Variants in COL11A2 observed in about 807,000 individuals in gnomAD.
The protein encoded by COL11A2 is collagen type XI alpha 2 chain.
Under a neutral mutation model 273.4 loss-of-function variants are expected in COL11A2, and 116 were observed. The ratio of observed to expected loss-of-function variants is 0.42; its 90% CI spans 0.36 to 0.49. The LOEUF (loss-of-function observed/expected upper bound fraction) is 0.49. Among genes scored for constraint, COL11A2 ranks in the 20% least tolerant of loss-of-function variants. The pLI is 0.00. For synonymous variants in COL11A2, 782 were observed against 864.2 expected (o/e 0.90, Z 1.67); for missense variants, 1,866 against 2,309.0 (o/e 0.81, Z 3.93).
rs1439732527 is a variant in COL11A2 at position 33,167,438 on chromosome 6, G to T, written c.4110C>A (p.Leu1370=). 2 of 1,612,754 alleles carry T rather than the reference G, an allele frequency of 1.2e-6. No individual in the cohort carries two copies. Among genetic ancestry groups the T allele is most frequent in the South Asian group, 2.2e-5 (2 of 91,092 alleles). The change falls in exon 56 of 66, where the codon CTC becomes CTA. Residue 1370 remains leucine, a synonymous_variant. Transcript: ENST00000341947. This position sits in a 1 kb window ranked among gnomAD's most constrained non-coding sequence, Gnocchi z 6.1. ...TGCAGTGACTCACCACTGAGCCTGG[G>T]AGCCCCCTCAGACCATCAGGGCCAG... ...GKPGPDGLRG[L]PGSVGQQGRP... is the part of the protein sequence containing the mutation.
In COL11A2 at chr6:33,170,272, G is replaced by A; in HGVS notation, c.3582+54C>T. ...ACTAGAGTTTATGGTCTGGGAAAGGGAGGCAGAAGACCAGACACATTGGTC... is the reference window on the plus strand; with the variant it reads ...ACTAGAGTTTATGGTCTGGGAAAGGAAGGCAGAAGACCAGACACATTGGTC... On this transcript the variant is annotated intron_variant, in intron 48 of 65. Coordinates refer to ENST00000341947, the MANE Select transcript of COL11A2 (RefSeq NM_080680.3). The surrounding 1 kb of genome is among the most constrained non-coding windows in gnomAD (Gnocchi z 4.3). The A allele has an allele frequency of 6.3e-7, 1 of 1,598,452 alleles. No homozygotes were observed. Among genetic ancestry groups the A allele is most frequent in the Non-Finnish European group, 8.6e-7 (1 of 1,168,630 alleles).
chr6:33,177,963 CA>C lies in COL11A2; in HGVS notation c.1872+168del. On this transcript the variant is annotated intron_variant, in intron 21 of 65. Coordinates refer to ENST00000341947, the MANE Select transcript of COL11A2 (RefSeq NM_080680.3). This position sits in a 1 kb window ranked among gnomAD's most constrained non-coding sequence, Gnocchi z 5.9. The stretch of plus-strand genomic sequence containing the variant: ...ACCACGCCACATGGCCCTCCCTGTG[CA>C]CGGGGAGCGAATGCTGAGGCAGGGC... The C allele has an allele frequency of 1.2e-6, 1 of 821,532 alleles. No homozygotes were observed. The highest frequency in any genetic ancestry group is 1.7e-5 in the African/African-American group (1 of 58,720). The allele number at this position is 821,532 out of a possible 1,614,324, so 50.9% of individuals were successfully genotyped here. A position where few individuals can be genotyped will look rare whatever the true frequency, so the allele number is the denominator to read the frequency against.
intron 31 of COL11A2, 148 bp downstream of exon 31, chr6:33,174,379 C>G (rs1770603811): frequency 7.4e-7 from 1 of 1,355,894 alleles, no homozygotes; most frequent in Non-Finnish European, 1.0e-6. Flanking sequence ...CTCTCTGGGC[C>G]TCTTTCGGTC....
At position 33,180,854 on chromosome 6, in the gene COL11A2, T is replaced by C. The variant is rs1349821774; in HGVS notation, c.1221+110A>G. 4.5e-6 allele frequency: 7 copies of C among 1,551,958 alleles called. No homozygotes were observed. In the African/African-American group the frequency reaches 9.5e-5, roughly 21 times the overall value. On this transcript the variant is annotated intron_variant, in intron 10 of 65. Coordinates refer to ENST00000341947, the MANE Select transcript of COL11A2 (RefSeq NM_080680.3). Reference sequence around the variant, plus strand: ...ATCTGGGAAGCGTTGATTGGAGGGATGCTCCCGAGTTCTGAGGAGGAGGCC... The same window carrying C: ...ATCTGGGAAGCGTTGATTGGAGGGACGCTCCCGAGTTCTGAGGAGGAGGCC...
Position 33,164,504 on chromosome 6 carries a change from G to C in COL11A2, c.4864-31C>G, listed in dbSNP as rs557982599. On this transcript the variant is annotated intron_variant, in intron 64 of 65. Coordinates refer to ENST00000341947, the MANE Select transcript of COL11A2 (RefSeq NM_080680.3). The surrounding 1 kb of genome is among the most constrained non-coding windows in gnomAD (Gnocchi z 4.7). Reference sequence around the variant, plus strand: ...AGGAGAGAGAGGGCTGGCCTCAGAGGGGGAGAGAGAGGGCTGGCCTCAGAG... The same window carrying C: ...AGGAGAGAGAGGGCTGGCCTCAGAGCGGGAGAGAGAGGGCTGGCCTCAGAG... 2.4e-4 allele frequency: 354 copies of C among 1,496,048 alleles called. 2 individuals are homozygous for C. Among genetic ancestry groups the C allele is most frequent in the Middle Eastern group, 1.2e-3 (5 of 4,282 alleles). The allele number at this position is 1,496,048 out of a possible 1,614,324, so 92.7% of individuals were successfully genotyped here.
In COL11A2 at chr6:33,170,479, A is replaced by AGTGGGGT; in HGVS notation, c.3528+71_3528+77dup. 8.9e-7 allele frequency: 1 copy of AGTGGGGT among 1,120,812 alleles called. No homozygotes were observed. Among genetic ancestry groups the AGTGGGGT allele is most frequent in the Non-Finnish European group, 1.2e-6 (1 of 815,434 alleles). The allele number at this position is 1,120,812 out of a possible 1,614,324, so 69.4% of individuals were successfully genotyped here. A position where few individuals can be genotyped will look rare whatever the true frequency, so the allele number is the denominator to read the frequency against. On this transcript the variant is annotated intron_variant, in intron 47 of 65. Coordinates refer to ENST00000341947, the MANE Select transcript of COL11A2 (RefSeq NM_080680.3). This position sits in a 1 kb window ranked among gnomAD's most constrained non-coding sequence, Gnocchi z 4.3. ...GGAGCAGCCAGGCCAGGGAGTTGGCAGTGGGGTGTGGGGTGGGGGCTGGCC... is the reference window on the plus strand; with the variant it reads ...GGAGCAGCCAGGCCAGGGAGTTGGCAGTGGGGTGTGGGGTGTGGGGTGGGGGCTGGCC...
At position 33,177,112 on chromosome 6, in the gene COL11A2, C is replaced by A; in HGVS notation, c.2017-67G>T. Reference sequence around the variant, plus strand: ...TGTCTGGACACAGACAAAATCCCAGCAGACATTTAGGGTTCTCCCTACATC... The same window carrying A: ...TGTCTGGACACAGACAAAATCCCAGAAGACATTTAGGGTTCTCCCTACATC... On this transcript the variant is annotated intron_variant, in intron 24 of 65. Transcript: ENST00000341947. This position sits in a 1 kb window ranked among gnomAD's most constrained non-coding sequence, Gnocchi z 5.9. 6.2e-7 allele frequency: 1 copy of A among 1,612,522 alleles called. No homozygotes were observed. Among genetic ancestry groups the A allele is most frequent in the South Asian group, 1.1e-5 (1 of 91,072 alleles).
At chr6:33,188,861 G>T in intron 3 of COL11A2, 117 bp downstream of exon 3, 1 of 1,174,428 alleles carries the variant, frequency 8.5e-7, no homozygotes, top group Non-Finnish European at 1.3e-6. Context: ...TGGGCAGTGG[G>T]TAGGTGTGGT....
chr6:33,179,270 G>A lies in COL11A2; in HGVS notation c.1518C>T (p.Ser506=). 1.2e-6 allele frequency: 2 copies of A among 1,611,226 alleles called. No individual in the cohort carries two copies. The highest frequency in any genetic ancestry group is 1.7e-6 in the Non-Finnish European group (2 of 1,179,230). ...GRPGPLGQPG[S]PGLKGESGDL... is the part of the protein sequence containing the mutation. ...CTCCAGACTCTCCTTTCAGGCCAGG[G>A]CTCCCAGGTTGGCCCTGGGAGAGAG... Residue 506 remains serine, a synonymous_variant, in exon 15 of 66, where the codon AGC becomes AGT. Coordinates refer to ENST00000341947, the MANE Select transcript of COL11A2 (RefSeq NM_080680.3). The surrounding 1 kb of genome is among the most constrained non-coding windows in gnomAD (Gnocchi z 6.4).
Position 33,180,806 on chromosome 6 carries a change from G to T in COL11A2, c.1222-76C>A. 1.9e-6 allele frequency: 3 copies of T among 1,570,542 alleles called. No individual in the cohort carries two copies. In the South Asian group the frequency reaches 3.3e-5, roughly 17 times the overall value. The stretch of plus-strand genomic sequence containing the variant: ...ACACTCAGCCTGTGGCTGAGGAGTG[G>T]TCTGTGCAGAACAGATCTGGGAATC... On this transcript the variant is annotated intron_variant, in intron 10 of 65. Transcript: ENST00000341947.
At chr6:33,185,144 C>T in intron 6 of COL11A2, 90 bp from the exon 7 acceptor site, 3 of 947,542 alleles carry the variant, frequency 3.2e-6, no homozygotes, top group South Asian at 1.4e-5. Flanking sequence ...CACCTGTCCC[C>T]CGAGGGCAGG....
rs746308790 is a variant in COL11A2, at chr6:33,171,228, G to A, written c.3312+43C>T. 28 of 1,614,084 alleles carry A rather than the reference G, an allele frequency of 1.7e-5. 1 individual carries two copies. In the South Asian group the frequency reaches 3.0e-4, roughly 17 times the overall value. ...GGGAGAGAGATCAGGTGGGACTGAG[G>A]TTAAAGGCCAGGAGGTCAGAAGTCA... On this transcript the variant is annotated intron_variant, in intron 44 of 65. Coordinates refer to ENST00000341947, the MANE Select transcript of COL11A2 (RefSeq NM_080680.3).
Position 33,178,188 on chromosome 6 carries a change from G to A in COL11A2, c.1819-3C>T, listed in dbSNP as rs1406220702. 6.2e-7 allele frequency: 1 copy of A among 1,612,082 alleles called. No individual in the cohort carries two copies. The highest frequency in any genetic ancestry group is 1.1e-5 in the South Asian group (1 of 91,040). On this transcript the variant is annotated splice_polypyrimidine_tract_variant and splice_region_variant and intron_variant, in intron 20 of 65. Transcript: ENST00000341947. This position sits in a 1 kb window ranked among gnomAD's most constrained non-coding sequence, Gnocchi z 4.6. ...GGGCCAAGGAGACCTCGAGGTCCCT[G>A]CATTCACGGTGAGGGGAGGAGACGG...
chr6:33,167,284 C>T lies in COL11A2; in HGVS notation c.4156G>A (p.Ala1386Thr). ...CTCACCACAGGACCTGGGGGCCCAG[C>T]CTGGCCTGTAGCTCCAGGTCGGCCT... The part of the protein sequence containing the change: ...QQGRPGATGQ[A>T]GPPGPVGPPG... The change falls in exon 57 of 66, where the codon GCT (alanine) becomes ACT (threonine). Residue 1386 changes from alanine (A) to threonine (T), a missense_variant. Transcript: ENST00000341947. The surrounding 1 kb of genome is among the most constrained non-coding windows in gnomAD (Gnocchi z 6.1). 3 of 1,614,028 alleles carry T rather than the reference C, an allele frequency of 1.9e-6. No individual in the cohort carries two copies. The highest frequency in any genetic ancestry group is 2.7e-5 in the African/African-American group (2 of 75,038).
At chr6:33,180,824 T>A in intron 10 of COL11A2, 94 bp from the exon 11 acceptor site, 1 of 1,555,004 alleles carries the variant, frequency 6.4e-7, no homozygotes, top group Admixed American at 1.7e-5. Flanking sequence ...AGAACAGATC[T>A]GGGAATCTGG....
chr6:33,191,802 C>A (rs934715669), intron 1 of COL11A2, among the ~76,000 whole-genome samples: 9 of 152,246 alleles, frequency 5.9e-5, no homozygotes, highest in Non-Finnish European at 1.3e-4. Flanking sequence ...ACACGCCTCA[C>A]CCATCAACAT....
chr6:33,174,055 C>T lies in COL11A2; in HGVS notation c.2485G>A (p.Gly829Ser), dbSNP rs753661386. 6.2e-7 allele frequency: 1 copy of T among 1,613,882 alleles called. No homozygotes were observed. Among genetic ancestry groups the T allele is most frequent in the South Asian group, 1.1e-5 (1 of 91,080 alleles). The change falls in exon 33 of 66, where the codon GGC becomes AGC. Residue 829 changes from glycine (G) to serine (S), a missense_variant and splice_region_variant. Gly to Ser is a moderately conservative substitution (Grantham distance 56, BLOSUM62 0). Coordinates refer to ENST00000341947, the MANE Select transcript of COL11A2 (RefSeq NM_080680.3). ...PGASGEKGARGLSGKSGPRGE... is the reference protein window; with the variant it reads ...PGASGEKGARSLSGKSGPRGE... ...CGAGGCCCTGACTTCCCCGACAGGC[C>T]CTGGTGGGAATGAAGCAGAGAGAAC...
rs954049322 is a variant in COL11A2 at position 33,170,235 on chromosome 6, C to T, written c.3582+91G>A. The T allele has an allele frequency of 2.0e-5, 31 of 1,571,646 alleles. No homozygotes were observed. Among genetic ancestry groups the T allele is most frequent in the Non-Finnish European group, 2.7e-5 (31 of 1,146,290 alleles). On this transcript the variant is annotated intron_variant, in intron 48 of 65. Transcript: ENST00000341947. This position sits in a 1 kb window ranked among gnomAD's most constrained non-coding sequence, Gnocchi z 4.3. ...CCCGGGAGTAAGGGCTTCTCTTGGC[C>T]CCTGAGACGATACTAGAGTTTATGG...
Position 33,188,378 on chromosome 6 carries a change from T to A in COL11A2, c.590A>T (p.Asp197Val), listed in dbSNP as rs190156778. 3.1e-6 allele frequency: 5 copies of A among 1,613,032 alleles called. 1 individual carries two copies. The African/African-American group carries it at 5.3e-5, about 17-fold the overall frequency. The change falls in exon 4 of 66, where the codon GAT (aspartate) becomes GTT (valine). Residue 197 changes from aspartate (D) to valine (V), a missense_variant. By Grantham distance (152) the Asp-to-Val change is radical (BLOSUM62 -3). Coordinates refer to ENST00000341947, the MANE Select transcript of COL11A2 (RefSeq NM_080680.3). The stretch of plus-strand genomic sequence containing the variant: ...TCTGGTTACCTCAAAGACTTCTTCA[T>A]CCAGAATACGGGCACCAAAGATGAT... ...GVIIFGARIL[D>V]EEVFEGDVQE...
Sources: gnomAD v4.1 joint callset for allele counts (sites outside exome capture counted in the v4.1 genomes callset) on GRCh38, gnomAD v4.1.1 for gene constraint, Gnocchi (gnomAD v3.1) non-coding constraint, MANE v1.5 for transcripts, NCBI Gene and HGNC (gene_info 2026-07-23, HGNC 2026-07-21) for gene names.